The following ZNF475 variants were observed in gnomAD, a reference collection of about 807,000 sequenced individuals.
ZNF475 encodes zinc finger protein 475.
the ZNF475 span, among the ~76,000 whole-genome samples, chr5:122,174,166 C>T: frequency 1.3e-5 from 2 of 152,168 alleles, no homozygotes; most frequent in Admixed American, 6.5e-5. Flanking sequence ...CTGGTTCTGC[C>T]AGAGCTACAG....
At chr5:122,177,106 G>A in the ZNF475 span, among the ~76,000 whole-genome samples, 20 of 152,194 alleles carry the variant, frequency 1.3e-4, no homozygotes, top group Non-Finnish European at 1.9e-4. Context: ...GTGTTAACAA[G>A]CGACTGTGGT....
the ZNF475 span, among the ~76,000 whole-genome samples, chr5:122,181,800 A>C: frequency 6.6e-6 from 1 of 152,224 alleles, no homozygotes; most frequent in African/African-American, 2.4e-5. Context: ...TTTCTCTAAA[A>C]TAAAGCCATA....
chr5:122,182,416 AC>A, the ZNF475 span: 2 of 1,202,314 alleles, frequency 1.7e-6, no homozygotes, highest in East Asian at 5.3e-5. Flanking sequence ...GATCCATTTT[AC>A]CTTTTTCTTT....
At chr5:122,161,088 C>A in the ZNF475 span, among the ~76,000 whole-genome samples, 3 of 152,188 alleles carry the variant, frequency 2.0e-5, no homozygotes, top group Non-Finnish European at 4.4e-5. Context: ...ATTGAGAGAA[C>A]TTTACTTGGG....
chr5:122,169,952 G>T, the ZNF475 span, among the ~76,000 whole-genome samples: 2 of 152,274 alleles, frequency 1.3e-5, no homozygotes, highest in Admixed American at 1.3e-4. Context: ...ATGAACTCAT[G>T]CTAAATCTTG....
the ZNF475 span, among the ~76,000 whole-genome samples, chr5:122,166,452 C>G: frequency 6.6e-6 from 1 of 151,988 alleles, no homozygotes; most frequent in African/African-American, 2.4e-5. Context: ...CCCATTAACT[C>G]GTCATTTATA....
the ZNF475 span, among the ~76,000 whole-genome samples, chr5:122,181,294 GC>G: frequency 2.0e-5 from 3 of 152,132 alleles, no homozygotes; most frequent in Non-Finnish European, 4.4e-5. Flanking sequence ...AAGGCCCTAT[GC>G]AAAAACATTT....
the ZNF475 span, among the ~76,000 whole-genome samples, chr5:122,178,488 T>C: frequency 1.3e-5 from 2 of 152,158 alleles, no homozygotes; most frequent in African/African-American, 2.4e-5. Context: ...TAATGACCAG[T>C]GATGATGAGT....
chr5:122,178,618 G>A, the ZNF475 span, among the ~76,000 whole-genome samples: 1 of 152,132 alleles, frequency 6.6e-6, no homozygotes, highest in Admixed American at 6.5e-5. Flanking sequence ...TAAGTTCCTT[G>A]TAGATTCTGG....
At chr5:122,164,018 A>G in the ZNF475 span, among the ~76,000 whole-genome samples, 1 of 152,068 alleles carries the variant, frequency 6.6e-6, no homozygotes, top group Non-Finnish European at 1.5e-5. Flanking sequence ...TCCTCAGTCA[A>G]TGACTCAGTC....
the ZNF475 span, among the ~76,000 whole-genome samples, chr5:122,173,846 A>G: frequency 6.6e-6 from 1 of 152,078 alleles, no homozygotes; most frequent in Non-Finnish European, 1.5e-5. Flanking sequence ...AACTTTTTGT[A>G]AAAAAAGTCT....
the ZNF475 span, among the ~76,000 whole-genome samples, chr5:122,166,486 CT>C: frequency 2.0e-5 from 3 of 152,066 alleles, no homozygotes; most frequent in Non-Finnish European, 2.9e-5. Context: ...CTAATGCTAT[CT>C]CCCCCTCCCC....
chr5:122,180,842 G>T, the ZNF475 span, among the ~76,000 whole-genome samples: 1 of 152,180 alleles, frequency 6.6e-6, no homozygotes, highest in South Asian at 2.1e-4. Flanking sequence ...CACAGTGCTT[G>T]TCAAAAAGAG....
At chr5:122,167,625 A>AT in the ZNF475 span, among the ~76,000 whole-genome samples, 2 of 152,362 alleles carry the variant, frequency 1.3e-5, no homozygotes, top group Middle Eastern at 6.8e-3. Context: ...ACTAAACTGT[A>AT]TCTGCACTAG....
chr5:122,180,481 A>T, the ZNF475 span, among the ~76,000 whole-genome samples: 1 of 152,230 alleles, frequency 6.6e-6, no homozygotes, highest in South Asian at 2.1e-4. Context: ...GTTTCGCCTC[A>T]TCACAAAGCC....
At chr5:122,160,495 C>T in the ZNF475 span, among the ~76,000 whole-genome samples, 2 of 152,144 alleles carry the variant, frequency 1.3e-5, no homozygotes, top group East Asian at 3.8e-4. Flanking sequence ...AAAACTTATC[C>T]TTGACTTATA....
At chr5:122,179,948 G>A in the ZNF475 span, 29 of 347,418 alleles carry the variant, frequency 8.3e-5, no homozygotes, top group Non-Finnish European at 1.3e-4. Context: ...TGGCAACACT[G>A]TGCATGAGAG....
the ZNF475 span, among the ~76,000 whole-genome samples, chr5:122,166,552 C>T: frequency 2.6e-4 from 40 of 152,260 alleles, no homozygotes; most frequent in African/African-American, 9.4e-4. Flanking sequence ...TCCAAATGTT[C>T]TCATTGTTCA....
the ZNF475 span, among the ~76,000 whole-genome samples, chr5:122,180,493 C>G: frequency 2.0e-5 from 3 of 152,208 alleles, no homozygotes; most frequent in African/African-American, 7.2e-5. Flanking sequence ...CACAAAGCCT[C>G]ATGTTTATTC....
Sources: gnomAD v4.1 joint callset for allele counts (sites outside exome capture counted in the v4.1 genomes callset) on GRCh38, gnomAD v4.1.1 for gene constraint, MANE v1.5 for transcripts, NCBI Gene and HGNC (gene_info 2026-07-23, HGNC 2026-07-21) for gene names.